The following DENND1A variants were observed in gnomAD, a reference collection of about 807,000 sequenced individuals.
DENND1A encodes the protein DENN domain containing 1A.
In DENND1A, 51 loss-of-function variants were observed where a neutral mutation model predicts 113.7. The ratio of observed to expected loss-of-function variants is 0.45; its 90% CI spans 0.36 to 0.57. The LOEUF is 0.57. Ranked by LOEUF, DENND1A falls within the 20% of genes least tolerant of loss-of-function variation. The pLI is 0.00. For synonymous variants in DENND1A, 565 were observed against 570.8 expected (o/e 0.99, Z 0.14); for missense variants, 1,258 against 1,395.9 (o/e 0.90, Z 1.57).
intron 13 of DENND1A, among the ~76,000 whole-genome samples, chr9:123,469,771 C>T (rs2049250041): frequency 6.6e-6 from 1 of 152,220 alleles, no homozygotes; most frequent in Admixed American, 6.5e-5. Flanking sequence ...AGCTCACTTA[C>T]TCCTCACAGC....
intron 1 of DENND1A, among the ~76,000 whole-genome samples, chr9:123,905,167 T>A (rs1852537629): frequency 6.6e-6 from 1 of 151,898 alleles, no homozygotes; most frequent in Admixed American, 6.6e-5. Context: ...TGAGAGATTT[T>A]GTCACCACCA....
intron 13 of DENND1A, among the ~76,000 whole-genome samples, chr9:123,547,151 T>C (rs1386311054): frequency 2.0e-5 from 3 of 152,238 alleles, no homozygotes; most frequent in Non-Finnish European, 4.4e-5. Context: ...GGTGCCAATA[T>C]TGAACAATGG....
chr9:123,795,969 T>C (rs78001342), intron 2 of DENND1A, among the ~76,000 whole-genome samples: 3,382 of 152,298 alleles, frequency 0.022, 51 homozygotes, highest in Non-Finnish European at 0.033. Flanking sequence ...TAGTGGTACA[T>C]AGCACACCCT....
chr9:123,434,788 G>T (rs539747682), intron 19 of DENND1A, among the ~76,000 whole-genome samples: 1 of 151,954 alleles, frequency 6.6e-6, no homozygotes, highest in Non-Finnish European at 1.5e-5. Context: ...GGCTGGGAGC[G>T]GGGGTGAGGC....
intron 2 of DENND1A, among the ~76,000 whole-genome samples, chr9:123,870,821 A>G (rs141810516): frequency 7.2e-4 from 109 of 152,254 alleles, no homozygotes; most frequent in Middle Eastern, 6.8e-3. Flanking sequence ...TTCCTCAAAC[A>G]TAAGAGCCAT....
chr9:123,723,732 C>A (rs538828262), intron 5 of DENND1A, among the ~76,000 whole-genome samples: 1 of 152,158 alleles, frequency 6.6e-6, no homozygotes, highest in South Asian at 2.1e-4. Context: ...TCCCCAGCCA[C>A]GCAGAACTGT....
intron 2 of DENND1A, among the ~76,000 whole-genome samples, chr9:123,878,468 T>C (rs1295757672): frequency 1.3e-5 from 2 of 152,218 alleles, no homozygotes; most frequent in Non-Finnish European, 2.9e-5. Context: ...AGGAGGTGTT[T>C]CCTTCAACTA....
In DENND1A at chr9:123,657,008, C is replaced by A. The variant is rs563300923; in HGVS notation, c.508-4885G>T. Reference sequence around the variant, plus strand: ...ACCTAGCATCTCTTCTGGCCACACTCTCTAGGGCTGGGTAGCACAGCTACA... The same window carrying A: ...ACCTAGCATCTCTTCTGGCCACACTATCTAGGGCTGGGTAGCACAGCTACA... On this transcript the variant is annotated intron_variant, in intron 8 of 23. Transcript: ENST00000394215. Among the ~76,000 whole-genome samples the A allele has an allele frequency of 6.6e-5, 10 of 152,312 alleles. No homozygotes were observed. The East Asian group carries it at 1.9e-3, about 29-fold the overall frequency.
chr9:123,850,882 G>A lies in DENND1A; in HGVS notation c.88+28069C>T, dbSNP rs186504589. On this transcript the variant is annotated intron_variant, in intron 2 of 23. Coordinates refer to ENST00000394215, the MANE Select transcript of DENND1A (RefSeq NM_001352964.2). ...TATTTAAGTCCCAAATGATAAAAGG[G>A]AAAAAATTGAATGATTAAAATGCTT... Among the ~76,000 whole-genome samples the A allele has an allele frequency of 7.9e-5, 12 of 151,962 alleles. No homozygotes were observed. The East Asian group carries it at 2.1e-3, about 27-fold the overall frequency.
chr9:123,548,211 C>CA (rs1212166602), intron 13 of DENND1A, among the ~76,000 whole-genome samples: 14 of 152,202 alleles, frequency 9.2e-5, no homozygotes, highest in African/African-American at 2.7e-4. Context: ...ATCCTTGCTT[C>CA]ATTCCCAGGA....
At position 123,671,156 on chromosome 9, in the gene DENND1A, C is replaced by T. The variant is rs566004984; in HGVS notation, c.453+135G>A. ...TCTACTCTCTGGCCTATCTTGAACT[C>T]AGAGGTCTCAGAGTATTTGGGGGTA... On this transcript the variant is annotated intron_variant, in intron 7 of 23. Transcript: ENST00000394215. 5.8e-5 allele frequency: 57 copies of T among 974,836 alleles called. No individual in the cohort carries two copies. In the African/African-American group the frequency reaches 6.7e-4, roughly 11 times the overall value. 60.4% of individuals were successfully genotyped at this position (974,836 alleles called of 1,614,324 possible).
intron 5 of DENND1A, among the ~76,000 whole-genome samples, chr9:123,742,935 GAACA>G (rs2069145507): frequency 6.6e-6 from 1 of 152,062 alleles, no homozygotes; most frequent in South Asian, 2.1e-4. Context: ...TGCATTTTGG[GAACA>G]AACTAAAAAT....
chr9:123,457,218 A>G, intron 15 of DENND1A, 130 bp downstream of exon 15: 2 of 737,320 alleles, frequency 2.7e-6, no homozygotes, highest in Non-Finnish European at 2.3e-6. Context: ...CAAACATTTC[A>G]AGGCCAAGCT....
intron 11 of DENND1A, among the ~76,000 whole-genome samples, chr9:123,589,360 G>A (rs1486523444): frequency 6.6e-6 from 1 of 151,896 alleles, no homozygotes; most frequent in Non-Finnish European, 1.5e-5. Flanking sequence ...ATTCGACTTT[G>A]AGAGAGATAT....
chr9:123,403,517 CAAG>C (rs776719221), intron 20 of DENND1A, 27 bp from the exon 21 acceptor site: 3 of 1,602,604 alleles, frequency 1.9e-6, no homozygotes, highest in South Asian at 1.1e-5. Context: ...GGGAGAGCCC[CAAG>C]AAGGAGTGAG....
intron 19 of DENND1A, among the ~76,000 whole-genome samples, chr9:123,421,238 C>T (rs1165423186): frequency 6.6e-6 from 1 of 151,428 alleles, no homozygotes; most frequent in Non-Finnish European, 1.5e-5. Flanking sequence ...GATCTACATG[C>T]GAGGTCTCTA....
At chr9:123,774,237 T>TGAC (rs1293600629) in intron 3 of DENND1A, among the ~76,000 whole-genome samples, 6 of 152,108 alleles carry the variant, frequency 3.9e-5, no homozygotes, top group African/African-American at 1.4e-4. Context: ...AAAGCCTGAT[T>TGAC]GACGATCTTA....
intron 5 of DENND1A, among the ~76,000 whole-genome samples, chr9:123,728,840 T>C (rs2067945680): frequency 6.6e-6 from 1 of 152,176 alleles, no homozygotes; most frequent in African/African-American, 2.4e-5. Context: ...CCAATATCGC[T>C]GATGAACATC....
intron 8 of DENND1A, among the ~76,000 whole-genome samples, chr9:123,656,047 T>C (rs1357299246): frequency 4.6e-5 from 7 of 152,174 alleles, no homozygotes; most frequent in African/African-American, 1.7e-4. Flanking sequence ...GAGGCTACAC[T>C]CCAGGCATGG....
Sources: allele counts gnomAD v4.1 joint callset (sites outside exome capture counted in the v4.1 genomes callset), GRCh38; gene constraint gnomAD v4.1.1; transcripts MANE v1.5; gene names NCBI Gene and HGNC (gene_info 2026-07-23, HGNC 2026-07-21).